Variants in OTUD7B observed in about 807,000 individuals in gnomAD.
The protein encoded by OTUD7B is OTU deubiquitinase 7B.
In OTUD7B, 34 loss-of-function variants were observed where a neutral mutation model predicts 82.2. The ratio of observed to expected loss-of-function variants is 0.41; its 90% CI spans 0.31 to 0.55. OTUD7B has a LOEUF of 0.55. OTUD7B is among the 20% of genes least tolerant of loss of function. OTUD7B has a pLI of 0.20. For missense variants in OTUD7B, 944 were observed against 1,062.1 expected (o/e 0.89, Z 1.55); for synonymous variants, 398 against 402.7 (o/e 0.99, Z 0.14).
Position 149,943,690 on chromosome 1 carries a change from C to A in OTUD7B, c.*167G>T. ...AGGTGCCATCCAGCCCCGACCTGCTCTTGCCAGCCTGGCAGCACTCCTGTG... is the reference window on the plus strand; with the variant it reads ...AGGTGCCATCCAGCCCCGACCTGCTATTGCCAGCCTGGCAGCACTCCTGTG... On this transcript the variant is annotated 3_prime_UTR_variant, in exon 12 of 12. Transcript: ENST00000581312. 1.4e-6 allele frequency: 1 copy of A among 716,060 alleles called. No homozygotes were observed. The highest frequency in any genetic ancestry group is 2.4e-6 in the Non-Finnish European group (1 of 423,552). The allele number at this position is 716,060 out of a possible 1,614,324, so 44.4% of individuals were successfully genotyped here.
At chr1:150,032,848 T>C in the OTUD7B span, among the ~76,000 whole-genome samples, 4 of 152,186 alleles carry the variant, frequency 2.6e-5, no homozygotes, top group Admixed American at 6.5e-5. Context: ...TCTTTTATAA[T>C]GTAAATTAAT....
intron 1 of OTUD7B, among the ~76,000 whole-genome samples, chr1:149,987,095 T>C (rs1228122102): frequency 6.6e-6 from 1 of 152,226 alleles, no homozygotes; most frequent in African/African-American, 2.4e-5. Flanking sequence ...TCCAAACAAC[T>C]CTGAGAACTT....
chr1:149,976,543 G>A (rs1456404470), intron 2 of OTUD7B, among the ~76,000 whole-genome samples: 1 of 148,762 alleles, frequency 6.7e-6, no homozygotes, highest in Non-Finnish European at 1.5e-5. Flanking sequence ...CCCGGGAGGA[G>A]GAGGTTGCAG....
chr1:150,036,262 C>CTTTT, the OTUD7B span, among the ~76,000 whole-genome samples: 32 of 136,680 alleles, frequency 2.3e-4, no homozygotes, highest in African/African-American at 5.5e-4. Context: ...TTCATTGTAA[C>CTTTT]TTTTTTTTTT....
chr1:149,961,732 TCTC>T (rs2101801828), intron 6 of OTUD7B: 1 of 152,330 alleles, frequency 6.6e-6, no homozygotes, highest in South Asian at 2.1e-4. Context: ...TACATGTCCA[TCTC>T]CTCCTCTATG....
At chr1:150,020,805 A>G in the OTUD7B span, among the ~76,000 whole-genome samples, 2 of 152,244 alleles carry the variant, frequency 1.3e-5, no homozygotes, top group African/African-American at 2.4e-5. Flanking sequence ...CCCCTATCAT[A>G]TAATTATCTG....
the OTUD7B span, among the ~76,000 whole-genome samples, chr1:150,037,371 A>G: frequency 1.3e-5 from 2 of 152,162 alleles, no homozygotes; most frequent in African/African-American, 4.8e-5. Context: ...ATGGCAGTAA[A>G]GGCATACAGC....
the OTUD7B span, among the ~76,000 whole-genome samples, chr1:150,040,934 T>C: frequency 6.6e-6 from 1 of 152,086 alleles, no homozygotes; most frequent in Non-Finnish European, 1.5e-5. Flanking sequence ...GGTCTCAAAT[T>C]TGTGACTTCA....
upstream of OTUD7B, among the ~76,000 whole-genome samples, chr1:150,011,332 T>C (rs1653048478): frequency 6.6e-6 from 1 of 152,244 alleles, no homozygotes; most frequent in Non-Finnish European, 1.5e-5. Context: ...TCTAGTGCGT[T>C]TGTTATGTCT....
rs367778876 is a variant in OTUD7B, at chr1:149,985,630, C to A, written c.-66-8054G>T. ...GGGTGTGGAGGTGCACTCCTGTAGT[C>A]CCAGCTACTCAGGAGGCTGAGGTGG... On this transcript the variant is annotated intron_variant, in intron 1 of 11. Coordinates refer to ENST00000581312, the MANE Select transcript of OTUD7B (RefSeq NM_020205.4). Among the ~76,000 whole-genome samples, 50 of 152,074 alleles carry A rather than the reference C, an allele frequency of 3.3e-4. 1 individual carries two copies. The highest frequency in any genetic ancestry group is 1.1e-3 in the African/African-American group (47 of 41,484).
chr1:149,945,111 G>A, intron 11 of OTUD7B, 46 bp from the exon 12 acceptor site: 1 of 1,576,452 alleles, frequency 6.3e-7, no homozygotes, highest in Non-Finnish European at 8.6e-7. Context: ...AGCAGCCTGG[G>A]GTGGGGGAAT....
rs369063820 is a variant in OTUD7B at position 149,967,418 on chromosome 1, G to A, written c.378C>T (p.His126=). ...SNGGGGGSNE[H]PLEMPICAFQ... Reference sequence around the variant, plus strand: ...AGGCACAGATGGGCATTTCCAGGGGGTGCTCATTGCTCCCCCCACCCCCAC... The same window carrying A: ...AGGCACAGATGGGCATTTCCAGGGGATGCTCATTGCTCCCCCCACCCCCAC... Residue 126 remains histidine, a synonymous_variant, in exon 4 of 12, where the codon CAC becomes CAT. Coordinates refer to ENST00000581312, the MANE Select transcript of OTUD7B (RefSeq NM_020205.4). The A allele has an allele frequency of 3.7e-6, 6 of 1,613,990 alleles. No individual in the cohort carries two copies. In the African/African-American group the frequency reaches 8.0e-5, roughly 22 times the overall value.
intron 1 of OTUD7B, among the ~76,000 whole-genome samples, chr1:150,009,590 T>C (rs1652890437): frequency 6.6e-6 from 1 of 152,248 alleles, no homozygotes; most frequent in Non-Finnish European, 1.5e-5. Context: ...ACTTCTTCCA[T>C]AAAATTCCAC....
chr1:150,017,222 G>C, the OTUD7B span, among the ~76,000 whole-genome samples: 2 of 152,178 alleles, frequency 1.3e-5, no homozygotes, highest in African/African-American at 4.8e-5. Context: ...CTCCTAAGAA[G>C]AAAATCCCTG....
At position 149,967,464 on chromosome 1, in the gene OTUD7B, C is replaced by G. The variant is rs782757919; in HGVS notation, c.332G>C (p.Arg111Pro). The change falls in exon 4 of 12, where the codon CGG becomes CCG. Residue 111 changes from arginine to proline, a missense_variant. Arg to Pro is a moderately radical substitution (Grantham distance 103, BLOSUM62 -2). Around this residue, in one of 3 missense-constraint regions of OTUD7B, gnomAD observed 530 missense variants for 625.6 expected, o/e 0.85. Transcript: ENST00000581312. The part of the protein sequence containing the change: ...HASSSIVSLA[R>P]SHVSSNGGGG... ...CCCACCATTGGAGGAGACATGGGACCGGGCCAGGGAAACAATGCTGGAGCT... is the reference window on the plus strand; with the variant it reads ...CCCACCATTGGAGGAGACATGGGACGGGGCCAGGGAAACAATGCTGGAGCT... 1 of 1,613,832 alleles carries G rather than the reference C, an allele frequency of 6.2e-7. No homozygotes were observed. The highest frequency in any genetic ancestry group is 8.5e-7 in the Non-Finnish European group (1 of 1,179,836).
At chr1:149,974,551 C>CA (rs1559848221) in intron 2 of OTUD7B, among the ~76,000 whole-genome samples, 3 of 32,830 alleles carry the variant, frequency 9.1e-5, no homozygotes, top group African/African-American at 2.4e-4. Context: ...TCTTAGTTAA[C>CA]TTTTTTTTTT....
intron 7 of OTUD7B, among the ~76,000 whole-genome samples, chr1:149,954,529 C>T (rs1648513683): frequency 1.3e-5 from 2 of 152,074 alleles, no homozygotes; most frequent in Admixed American, 6.6e-5. Flanking sequence ...GTGTCTCTGC[C>T]AGGCTTTGGT....
intron 1 of OTUD7B, among the ~76,000 whole-genome samples, chr1:149,996,599 T>G (rs1418790499): frequency 2.0e-5 from 3 of 152,224 alleles, no homozygotes; most frequent in African/African-American, 7.2e-5. Context: ...CATCTGACAT[T>G]CACTATAGCA....
At chr1:149,949,985 T>C (rs1648063229) in intron 8 of OTUD7B, 109 bp downstream of exon 8, 1 of 1,470,790 alleles carries the variant, frequency 6.8e-7, no homozygotes, top group Admixed American at 2.1e-5. Flanking sequence ...AACTTGCTTT[T>C]TCCCCAAGGG....
Sources: gnomAD v4.1 joint callset for allele counts (sites outside exome capture counted in the v4.1 genomes callset) on GRCh38, gnomAD v4.1.1 for gene constraint, gnomAD v4.1.1 regional missense constraint, MANE v1.5 for transcripts, NCBI Gene and HGNC (gene_info 2026-07-23, HGNC 2026-07-21) for gene names.